Variants in AGBL1 observed in about 807,000 individuals in gnomAD.
AGBL1 encodes AGBL carboxypeptidase 1.
AGBL1 carries 130 observed loss-of-function variants against 118.9 expected under a neutral mutation model. The ratio of observed to expected loss-of-function variants is 1.09; its 90% CI spans 0.95 to 1.26. AGBL1 has a LOEUF of 1.26. AGBL1 is among the 50% of genes most tolerant of loss of function. The probability of loss-of-function intolerance (pLI) is 0.00; values close to 1 mark genes in which losing one functional copy is unlikely to be tolerated. For missense variants in AGBL1, 1,584 were observed against 1,298.1 expected (o/e 1.22, Z -3.38); for synonymous variants, 555 against 478.9 (o/e 1.16, Z -2.08).
intron 3 of AGBL1, among the ~76,000 whole-genome samples, chr15:86,149,059 T>C (rs2077070716): frequency 1.3e-5 from 2 of 152,154 alleles, no homozygotes; most frequent in Non-Finnish European, 2.9e-5. Context: ...ATAAAATCTT[T>C]TACAGACAAG....
intron 23 of AGBL1, among the ~76,000 whole-genome samples, chr15:86,923,471 C>T (rs757547114): frequency 6.6e-6 from 1 of 152,200 alleles, no homozygotes; most frequent in African/African-American, 2.4e-5. Flanking sequence ...CTTCAAGGAC[C>T]AATTCAAATC....
At chr15:86,336,636 T>C (rs1210998458) in intron 17 of AGBL1, among the ~76,000 whole-genome samples, 3 of 152,182 alleles carry the variant, frequency 2.0e-5, no homozygotes, top group African/African-American at 7.2e-5. Flanking sequence ...CTGGATTGGC[T>C]GGACACTTTC....
chr15:86,748,841 A>T (rs1164035998), intron 22 of AGBL1, among the ~76,000 whole-genome samples: 1 of 151,924 alleles, frequency 6.6e-6, no homozygotes, highest in Admixed American at 6.6e-5. Flanking sequence ...ATTATTCCTG[A>T]GGGCTCTGTT....
intron 21 of AGBL1, among the ~76,000 whole-genome samples, chr15:86,579,743 G>A (rs1377037971): frequency 6.6e-6 from 1 of 152,184 alleles, no homozygotes; most frequent in Admixed American, 6.5e-5. Context: ...AGGGAGACCA[G>A]TCAGAAGGCT....
chr15:86,195,059 T>A (rs1173813292), intron 5 of AGBL1, among the ~76,000 whole-genome samples: 1 of 152,188 alleles, frequency 6.6e-6, no homozygotes, highest in African/African-American at 2.4e-5. Context: ...TTTAAATGCC[T>A]TATTCACTCA....
intron 18 of AGBL1, among the ~76,000 whole-genome samples, chr15:86,432,152 C>A (rs544630944): frequency 6.6e-6 from 1 of 152,306 alleles, no homozygotes; most frequent in South Asian, 2.1e-4. Context: ...GGGATCCGAC[C>A]TTCTGACAAA....
chr15:86,643,188 T>C (rs1037546729), intron 21 of AGBL1, among the ~76,000 whole-genome samples: 41 of 152,176 alleles, frequency 2.7e-4, no homozygotes, highest in African/African-American at 9.9e-4. Flanking sequence ...AAAAAAGAAG[T>C]ATCTTATTTT....
chr15:86,892,733 C>T (rs369705241), intron 22 of AGBL1, among the ~76,000 whole-genome samples: 3 of 152,084 alleles, frequency 2.0e-5, no homozygotes, highest in East Asian at 1.9e-4. Flanking sequence ...ATAGAAAATG[C>T]TCCATTACTG....
intron 18 of AGBL1, among the ~76,000 whole-genome samples, chr15:86,506,256 G>A (rs914196068): frequency 1.3e-5 from 2 of 151,972 alleles, no homozygotes; most frequent in African/African-American, 4.8e-5. Flanking sequence ...AGCCCTGAGT[G>A]TACATACAAC....
chr15:86,124,593 G>C (rs1567070037), intron 1 of AGBL1, among the ~76,000 whole-genome samples: 1 of 152,012 alleles, frequency 6.6e-6, no homozygotes, highest in African/African-American at 2.4e-5. Context: ...TTTCTCTTCT[G>C]TTTCCTTAAG....
chr15:86,968,848 A>G (rs1340512223), intron 23 of AGBL1, among the ~76,000 whole-genome samples: 1 of 151,884 alleles, frequency 6.6e-6, no homozygotes, highest in African/African-American at 2.4e-5. Flanking sequence ...TTACTCACAG[A>G]TGGAGACCCC....
chr15:86,864,785 G>A (rs940943705), intron 22 of AGBL1, among the ~76,000 whole-genome samples: 5 of 152,152 alleles, frequency 3.3e-5, no homozygotes, highest in East Asian at 1.9e-4. Context: ...CAGGAGTTAC[G>A]ATGCACAATC....
chr15:87,021,500 C>A (rs1013343995), intron 24 of AGBL1, among the ~76,000 whole-genome samples: 1 of 127,500 alleles, frequency 7.8e-6, no homozygotes, highest in Non-Finnish European at 1.6e-5. Context: ...CATATGGAAT[C>A]TAATTAAACT....
At chr15:86,778,889 A>G (rs1473650180) in intron 22 of AGBL1, among the ~76,000 whole-genome samples, 1 of 152,282 alleles carries the variant, frequency 6.6e-6, no homozygotes, top group African/African-American at 2.4e-5. Flanking sequence ...AATCTTCACA[A>G]TTTATGTTCA....
chr15:86,632,355 A>G (rs888726566), intron 21 of AGBL1, among the ~76,000 whole-genome samples: 5 of 151,672 alleles, frequency 3.3e-5, no homozygotes, highest in Middle Eastern at 3.2e-3. Flanking sequence ...AGGCAGGGAA[A>G]TCGCTTGAAC....
At chr15:87,005,967 C>T (rs8040808) in intron 24 of AGBL1, among the ~76,000 whole-genome samples, 2 of 152,200 alleles carry the variant, frequency 1.3e-5, no homozygotes, top group South Asian at 2.1e-4. Flanking sequence ...CACTCCAGAC[C>T]CTGTTTGCCT....
At chr15:86,994,299 A>ATC (rs371186528) in intron 24 of AGBL1, among the ~76,000 whole-genome samples, 38 of 151,046 alleles carry the variant, frequency 2.5e-4, no homozygotes, top group Admixed American at 1.1e-3. Context: ...ACAAGGGAAT[A>ATC]TCTCTCTCTC....
At chr15:86,561,249 T>C (rs550534025) in intron 21 of AGBL1, among the ~76,000 whole-genome samples, 9 of 152,296 alleles carry the variant, frequency 5.9e-5, no homozygotes, top group African/African-American at 2.2e-4. Context: ...AGGTCCTGAA[T>C]GGTATCACCT....
chr15:86,640,463 T>C (rs2085172376), intron 21 of AGBL1, among the ~76,000 whole-genome samples: 1 of 152,226 alleles, frequency 6.6e-6, no homozygotes, highest in Non-Finnish European at 1.5e-5. Flanking sequence ...AATACATGCA[T>C]ACATAGATTT....
Sources: allele counts gnomAD v4.1 joint callset (sites outside exome capture counted in the v4.1 genomes callset), GRCh38; gene constraint gnomAD v4.1.1; transcripts MANE v1.5; gene names NCBI Gene and HGNC (gene_info 2026-07-23, HGNC 2026-07-21).